Variants in COG3 observed in about 807,000 individuals in gnomAD.
The protein encoded by COG3 is component of oligomeric golgi complex 3, also known as conserved oligomeric Golgi complex subunit 3.
A neutral mutation model predicts 114.1 loss-of-function variants in COG3; 32 were observed. The observed-to-expected ratio is 0.28, with a 90% CI of 0.21 to 0.38. COG3 has a LOEUF of 0.38. Among genes scored for constraint, COG3 ranks in the 10% least tolerant of loss-of-function variants. COG3 has a pLI of 1.00. For missense variants in COG3, 813 were observed against 973.2 expected, an observed-to-expected ratio of 0.84 and a Z score of 2.19; for synonymous variants, 352 against 365.7, an observed-to-expected ratio of 0.96 and a Z score of 0.43.
At chr13:45,470,358 A>C (rs1361253469) in intron 1 of COG3, among the ~76,000 whole-genome samples, 1 of 152,172 alleles carries the variant, frequency 6.6e-6, no homozygotes, top group African/African-American at 2.4e-5. Context: ...GTGCCTTGAG[A>C]TTTATTACCT....
chr13:45,477,795 T>G (rs1187596036), intron 2 of COG3, among the ~76,000 whole-genome samples: 1 of 151,902 alleles, frequency 6.6e-6, no homozygotes, highest in Admixed American at 6.6e-5. Context: ...CCAGGCTAAT[T>G]TTTTGTATTT....
At chr13:45,514,157 CTTTT>C (rs57033822) in intron 16 of COG3, among the ~76,000 whole-genome samples, 2 of 93,858 alleles carry the variant, frequency 2.1e-5, no homozygotes, top group African/African-American at 4.1e-5. Flanking sequence ...TGTCCTCTCT[CTTTT>C]TTTTTTTTTT....
At chr13:45,522,677 C>T (rs1020982069) in intron 19 of COG3, among the ~76,000 whole-genome samples, 10 of 152,152 alleles carry the variant, frequency 6.6e-5, no homozygotes, top group African/African-American at 2.2e-4. Flanking sequence ...GCCTCATTTC[C>T]TGCCCCTGGA....
chr13:45,487,504 C>G (rs549665155), intron 8 of COG3, among the ~76,000 whole-genome samples: 2 of 152,264 alleles, frequency 1.3e-5, no homozygotes, highest in African/African-American at 4.8e-5. Flanking sequence ...TGACAAGGGA[C>G]TAATATTCAG....
At chr13:45,492,024 A>T in intron 10 of COG3, 135 bp from the exon 11 acceptor site, 1 of 528,834 alleles carries the variant, frequency 1.9e-6, no homozygotes, top group Non-Finnish European at 3.3e-6. Flanking sequence ...AAAACCAACC[A>T]TTTTCCGTTC....
chr13:45,486,339 C>G (rs1340602684), intron 7 of COG3, among the ~76,000 whole-genome samples, 156 bp from the exon 8 acceptor site: 3 of 55,210 alleles, frequency 5.4e-5, no homozygotes, highest in African/African-American at 4.5e-4. Context: ...AGACGGGAGA[C>G]GGGAGAGGGA....
intron 1 of COG3, chr13:45,465,827 C>T (rs1264769912): frequency 1.3e-5 from 2 of 152,244 alleles, no homozygotes; most frequent in Non-Finnish European, 2.9e-5. Context: ...TGGCTCAGTA[C>T]ATTATTAAGC....
intron 19 of COG3, among the ~76,000 whole-genome samples, chr13:45,521,969 A>G (rs1872204740): frequency 6.6e-6 from 1 of 151,860 alleles, no homozygotes; most frequent in Admixed American, 6.6e-5. Context: ...TGCCTGGCTA[A>G]TATTTATGTA....
At chr13:45,474,197 G>A (rs780748717) in intron 1 of COG3, among the ~76,000 whole-genome samples, 21 of 131,306 alleles carry the variant, frequency 1.6e-4, no homozygotes, top group Admixed American at 2.5e-4. Flanking sequence ...TCGCTCTGTC[G>A]CCCAGGCTGG....
intron 3 of COG3, 91 bp from the exon 4 acceptor site, chr13:45,480,034 C>A: frequency 1.7e-6 from 2 of 1,165,224 alleles, no homozygotes; most frequent in Non-Finnish European, 2.4e-6. Flanking sequence ...GAAATTCGAA[C>A]ATTTTGGGAA....
In COG3 at chr13:45,483,301, G is replaced by C; in HGVS notation, c.789G>C (p.Met263Ile). Residue 263 changes from methionine (M) to isoleucine (I), a missense_variant, in exon 7 of 23, where the codon ATG (methionine) becomes ATC (isoleucine). Physicochemically the swap from Met to Ile is conservative, Grantham distance 10 (BLOSUM62 1). Coordinates refer to ENST00000349995, the MANE Select transcript of COG3 (RefSeq NM_031431.4). ...GTCTTTCTAAAGCTTTGCACCTCATGAAGACATATACTGTGAACACACTAC... is the reference window on the plus strand; with the variant it reads ...GTCTTTCTAAAGCTTTGCACCTCATCAAGACATATACTGTGAACACACTAC... ...KQCLSKALHLMKTYTVNTLQT... is the reference protein window; with the variant it reads ...KQCLSKALHLIKTYTVNTLQT... 1 of 1,597,860 alleles carries C rather than the reference G, an allele frequency of 6.3e-7. No individual in the cohort carries two copies. The highest frequency in any genetic ancestry group is 8.6e-7 in the Non-Finnish European group (1 of 1,165,602).
In COG3 at chr13:45,465,126, C is replaced by G; in HGVS notation, c.90C>G (p.Asp30Glu). 1.2e-6 allele frequency: 2 copies of G among 1,613,342 alleles called. No individual in the cohort carries two copies. The highest frequency in any genetic ancestry group is 1.7e-6 in the Non-Finnish European group (2 of 1,179,872). Residue 30 changes from aspartate to glutamate, a missense_variant, in exon 1 of 23, where the codon GAC becomes GAG. Asp to Glu is a conservative substitution (Grantham distance 45). This residue lies in a region of COG3 where 424 missense variants were observed against 430.6 expected (regional missense o/e 0.98). Coordinates refer to ENST00000349995, the MANE Select transcript of COG3 (RefSeq NM_031431.4). ...TGGCTCTCTGGGATCGGAGACCGGA[C>G]ACGACGGCGCCGCTGACCGACAGGC... ...EKLALWDRRP[D>E]TTAPLTDRQT...
At chr13:45,473,625 GAAT>G (rs929101446) in intron 1 of COG3, among the ~76,000 whole-genome samples, 7 of 152,056 alleles carry the variant, frequency 4.6e-5, no homozygotes, top group South Asian at 2.1e-4. Context: ...TATTAGATGG[GAAT>G]AATAATAATA....
intron 13 of COG3, among the ~76,000 whole-genome samples, chr13:45,499,428 A>G (rs925980156): frequency 1.3e-5 from 2 of 152,232 alleles, no homozygotes; most frequent in Non-Finnish European, 2.9e-5. Flanking sequence ...AGATCTGCAG[A>G]TTTCAAATCT....
At chr13:45,467,508 C>T (rs1185224643) in intron 1 of COG3, among the ~76,000 whole-genome samples, 4 of 152,248 alleles carry the variant, frequency 2.6e-5, no homozygotes, top group African/African-American at 9.6e-5. Context: ...ATGAGAATCA[C>T]TTGAACCCAG....
chr13:45,495,600 G>A (rs1198699178), intron 12 of COG3, among the ~76,000 whole-genome samples: 1 of 151,850 alleles, frequency 6.6e-6, no homozygotes, highest in Admixed American at 6.6e-5. Flanking sequence ...GGCTGATCTT[G>A]AACTCCTGGG....
At chr13:45,492,715 A>G (rs1887090612) in intron 11 of COG3, among the ~76,000 whole-genome samples, 1 of 152,190 alleles carries the variant, frequency 6.6e-6, no homozygotes, top group Admixed American at 6.5e-5. Context: ...TGACTCTTAC[A>G]AACATTCCAA....
chr13:45,471,755 G>A (rs908324721), intron 1 of COG3, among the ~76,000 whole-genome samples: 1 of 150,886 alleles, frequency 6.6e-6, no homozygotes, highest in Non-Finnish European at 1.5e-5. Context: ...TTTTTGAGAC[G>A]GAGTTTTGCT....
chr13:45,525,634 G>GTTTTTTTTTTTT (rs59577529), intron 20 of COG3, among the ~76,000 whole-genome samples: 7,896 of 55,730 alleles, frequency 0.14, 1,017 homozygotes, highest in East Asian at 0.23. Flanking sequence ...AGGGCTTTGG[G>GTTTTTTTTTTTT]TTTTTTTTTT....
Sources: allele counts gnomAD v4.1 joint callset (sites outside exome capture counted in the v4.1 genomes callset), GRCh38; gene constraint gnomAD v4.1.1; regional missense constraint gnomAD v4.1.1; transcripts MANE v1.5; gene names NCBI Gene and HGNC (gene_info 2026-07-23, HGNC 2026-07-21).